CGNL1: variants seen among roughly 807,000 people sequenced by gnomAD.
CGNL1 encodes cingulin-like protein 1.
A neutral mutation model predicts 141.2 loss-of-function variants in CGNL1; 132 were observed. The observed-to-expected ratio is 0.93, with a 90% CI of 0.81 to 1.08. CGNL1 has a LOEUF of 1.08. Ranked by LOEUF, CGNL1 falls within the 50% of genes least tolerant of loss-of-function variation. CGNL1 has a pLI of 0.00. For missense variants in CGNL1, 1,870 were observed against 1,588.6 expected (o/e 1.18, Z -3.01); for synonymous variants, 690 against 622.1 (o/e 1.11, Z -1.63).
intron 16 of CGNL1, 38 bp downstream of exon 16, chr15:57,544,635 G>A (rs751695200): frequency 5.8e-6 from 9 of 1,553,126 alleles, no homozygotes; most frequent in Non-Finnish European, 7.8e-6. Flanking sequence ...GGAGGCCCCA[G>A]TGGGCAGTGA....
In CGNL1 at chr15:57,465,383, C is replaced by CTTT. The variant is rs11332989; in HGVS notation, c.2403+3514_2403+3516dup. 4.0e-3 allele frequency among the ~76,000 whole-genome samples: 322 copies of CTTT among 80,844 alleles called. 6 individuals are homozygous for CTTT. The highest frequency in any genetic ancestry group is 0.015 in the African/African-American group (290 of 19,686). 53.0% of individuals were successfully genotyped at this position (80,844 alleles called of 152,430 possible). A position where few individuals can be genotyped will look rare whatever the true frequency, so the allele number is the denominator to read the frequency against. On this transcript the variant is annotated intron_variant, in intron 8 of 18. Transcript: ENST00000281282. The stretch of plus-strand genomic sequence containing the variant: ...ACCAACCACTATGGCTAAAAACTGA[C>CTTT]TTTTTTTTTTTTTTTTTTTTTTTTT...
rs770963676 is a variant in CGNL1, at chr15:57,439,423, G to T, written c.1424G>T (p.Gly475Val). The T allele has an allele frequency of 4.3e-5, 70 of 1,614,088 alleles. No homozygotes were observed. Among genetic ancestry groups the T allele is most frequent in the Non-Finnish European group, 4.5e-5 (53 of 1,180,044 alleles). The change falls in exon 2 of 19, where the codon GGT (glycine) becomes GTT (valine). Residue 475 changes from glycine to valine, a missense_variant. By Grantham distance (109) the Gly-to-Val change is moderately radical. Transcript: ENST00000281282. ...GATGGGAAAGTTCTGGAAACCGAAG[G>T]TAGTCAGGAAAGTACAGTGATCCGT... The part of the protein sequence containing the change: ...NIDGKVLETE[G>V]SQESTVIRAP...
At chr15:57,505,191 G>T (rs2064084726) in intron 8 of CGNL1, among the ~76,000 whole-genome samples, 1 of 152,176 alleles carries the variant, frequency 6.6e-6, no homozygotes, top group African/African-American at 2.4e-5. Context: ...TTTATGCTCT[G>T]TAACTTCTGG....
At chr15:57,420,228 G>T (rs11857181) in intron 1 of CGNL1, among the ~76,000 whole-genome samples, 1 of 151,934 alleles carries the variant, frequency 6.6e-6, no homozygotes, top group Non-Finnish European at 1.5e-5. Flanking sequence ...GAACTTGTTG[G>T]TATTAGAGAC....
At chr15:57,400,857 T>A (rs2062652502) in intron 1 of CGNL1, among the ~76,000 whole-genome samples, 1 of 124,794 alleles carries the variant, frequency 8.0e-6, no homozygotes, top group Non-Finnish European at 1.5e-5. Flanking sequence ...CACTCCAGCC[T>A]AGGCGACAGA....
At chr15:57,488,748 T>G (rs1256294586) in intron 8 of CGNL1, among the ~76,000 whole-genome samples, 1 of 152,232 alleles carries the variant, frequency 6.6e-6, no homozygotes, top group Non-Finnish European at 1.5e-5. Context: ...AAACAGGCCC[T>G]TAAGAACATG....
intron 1 of CGNL1, among the ~76,000 whole-genome samples, chr15:57,381,400 A>G (rs967478363): frequency 6.6e-6 from 1 of 152,128 alleles, no homozygotes; most frequent in African/African-American, 2.4e-5. Flanking sequence ...CCTCTACAAA[A>G]AAATACAGAA....
At chr15:57,529,628 G>A (rs1418471421) in intron 13 of CGNL1, among the ~76,000 whole-genome samples, 5 of 149,896 alleles carry the variant, frequency 3.3e-5, no homozygotes, top group Non-Finnish European at 4.4e-5. Flanking sequence ...AGAATTTAGA[G>A]AGAGGGAGAG....
intron 8 of CGNL1, among the ~76,000 whole-genome samples, chr15:57,482,056 C>T (rs771003242): frequency 1.4e-4 from 21 of 151,556 alleles, no homozygotes; most frequent in Admixed American, 3.9e-4. Context: ...CGTATATCCT[C>T]TTTGGTGAAA....
chr15:57,529,052 T>C, intron 13 of CGNL1: 1 of 408,472 alleles, frequency 2.4e-6, no homozygotes, highest in Non-Finnish European at 4.4e-6. Flanking sequence ...ATTCTCATTG[T>C]CTTGAGAGGA....
At chr15:57,533,820 A>T (rs1251763463) in intron 14 of CGNL1, among the ~76,000 whole-genome samples, 1 of 152,164 alleles carries the variant, frequency 6.6e-6, no homozygotes, top group Non-Finnish European at 1.5e-5. Flanking sequence ...AAATATTTCC[A>T]CTAAGCCAAG....
chr15:57,524,793 A>G (rs925118205), intron 12 of CGNL1, 42 bp downstream of exon 12: 4 of 1,594,304 alleles, frequency 2.5e-6, no homozygotes, highest in South Asian at 1.1e-5. Context: ...TCCCTTATTC[A>G]AAGTATCCTT....
At chr15:57,396,118 A>G (rs1321233584) in intron 1 of CGNL1, among the ~76,000 whole-genome samples, 1 of 152,162 alleles carries the variant, frequency 6.6e-6, no homozygotes, top group African/African-American at 2.4e-5. Flanking sequence ...GCATGTAGCG[A>G]TAATTTGTTT....
chr15:57,474,763 A>G (rs1567141059), intron 8 of CGNL1, among the ~76,000 whole-genome samples: 1 of 152,182 alleles, frequency 6.6e-6, no homozygotes. Flanking sequence ...GAGGGAGATA[A>G]CTAGTCAATA....
rs181100807 is a variant in CGNL1, at chr15:57,515,554, G to A, written c.2404-1226G>A. 4.6e-5 allele frequency among the ~76,000 whole-genome samples: 7 copies of A among 152,280 alleles called. 1 individual carries two copies. Among genetic ancestry groups the A allele is most frequent in the Admixed American group, 4.6e-4 (7 of 15,298 alleles). On this transcript the variant is annotated intron_variant, in intron 8 of 18. Transcript: ENST00000281282. Reference sequence around the variant, plus strand: ...TTGTGTTGTAGGCATGAGATTTGCTGATATTGGCATCTTTGTAGTAGTGGA... The same window carrying A: ...TTGTGTTGTAGGCATGAGATTTGCTAATATTGGCATCTTTGTAGTAGTGGA...
At chr15:57,457,789 C>T (rs1038111899) in intron 7 of CGNL1, among the ~76,000 whole-genome samples, 1 of 152,162 alleles carries the variant, frequency 6.6e-6, no homozygotes, top group African/African-American at 2.4e-5. Context: ...CCACTGGGCT[C>T]CTCCCTCAAC....
chr15:57,533,467 A>C (rs536733118), intron 14 of CGNL1, among the ~76,000 whole-genome samples: 6 of 152,310 alleles, frequency 3.9e-5, no homozygotes, highest in Non-Finnish European at 7.4e-5. Flanking sequence ...CAGACATGTC[A>C]GGATCCGCTA....
At chr15:57,454,860 A>G (rs1417514841) in intron 7 of CGNL1, among the ~76,000 whole-genome samples, 1 of 152,134 alleles carries the variant, frequency 6.6e-6, no homozygotes, top group Non-Finnish European at 1.5e-5. Flanking sequence ...ATATGTATTT[A>G]TCACTGAAAT....
chr15:57,531,465 C>G (rs2031947299), intron 13 of CGNL1, among the ~76,000 whole-genome samples: 1 of 152,134 alleles, frequency 6.6e-6, no homozygotes, highest in Admixed American at 6.5e-5. Context: ...TATGTGTTTT[C>G]TACATAAACA....
Sources: allele counts gnomAD v4.1 joint callset (sites outside exome capture counted in the v4.1 genomes callset), GRCh38; gene constraint gnomAD v4.1.1; transcripts MANE v1.5; gene names NCBI Gene and HGNC (gene_info 2026-07-23, HGNC 2026-07-21).